SYTL4: variants seen among roughly 807,000 people sequenced by gnomAD.
SYTL4 encodes synaptotagmin like 4, also known as synaptotagmin-like protein 4.
SYTL4 carries 16 observed loss-of-function variants against 52.7 expected under a neutral mutation model. The observed-to-expected ratio is 0.30, with a 90% CI of 0.21 to 0.46. The LOEUF is 0.46. Among genes scored for constraint, SYTL4 ranks in the 20% least tolerant of loss-of-function variants. The probability of loss-of-function intolerance (pLI) is 1.00; values close to 1 mark genes in which losing one functional copy is unlikely to be tolerated. For missense variants in SYTL4, 423 were observed against 519.9 expected, an observed-to-expected ratio of 0.81 and a Z score of 1.81; for synonymous variants, 160 against 186.6, an observed-to-expected ratio of 0.86 and a Z score of 1.16.
chrX:100,724,110 T>C (rs1602938127), intron 2 of SYTL4, among the ~76,000 whole-genome samples: 1 of 78,893 alleles, frequency 1.3e-5, no homozygotes, highest in African/African-American at 5.3e-5. Context: ...GGAGCCCCTC[T>C]GCCCGGCCAG....
intron 2 of SYTL4, among the ~76,000 whole-genome samples, chrX:100,729,668 C>T (rs1450028554): frequency 9.0e-6 from 1 of 111,247 alleles, no homozygotes; most frequent in African/African-American, 3.3e-5. Context: ...CCTTAGAGAA[C>T]TTACAGCCTT....
Position 100,722,557 on chromosome X carries a change from A to G in SYTL4, c.-240+8861T>C, listed in dbSNP as rs758409930. Reference sequence around the variant, plus strand: ...CTATTGAGGATAATCCTCTACCTCAATCTGGATCCCCTCCCATCTGGCATA... The same window carrying G: ...CTATTGAGGATAATCCTCTACCTCAGTCTGGATCCCCTCCCATCTGGCATA... On this transcript the variant is annotated intron_variant, in intron 2 of 19. Transcript: ENST00000372989. 4.5e-5 allele frequency among the ~76,000 whole-genome samples: 5 copies of G among 111,348 alleles called. No individual in the cohort carries two copies. In the East Asian group the frequency reaches 1.4e-3, roughly 31 times the overall value.
At chrX:100,702,340 T>C (rs1311871109) in intron 4 of SYTL4, among the ~76,000 whole-genome samples, 2 of 112,458 alleles carry the variant, frequency 1.8e-5, no homozygotes, top group African/African-American at 6.5e-5. Context: ...GGATTGGTTA[T>C]TCAGTATATG....
At chrX:100,687,014 C>T (rs1435440070) in intron 14 of SYTL4, 53 bp downstream of exon 14, 17 of 1,158,523 alleles carry the variant, frequency 1.5e-5, no homozygotes, top group Non-Finnish European at 2.0e-5. Flanking sequence ...CGGACAGATG[C>T]CGGGGTCTGG....
Position 100,687,287 on chromosome X carries a change from C to A in SYTL4, c.1006-42G>T, listed in dbSNP as rs369272765. On this transcript the variant is annotated intron_variant, in intron 13 of 19. Transcript: ENST00000372989. ...CACGAACATCTGGGGAAGGCACACT[C>A]CCCCGCCCGCATTGCTCACATCTTC... The A allele has an allele frequency of 6.3e-5, 70 of 1,116,926 alleles. No homozygotes were observed. The Middle Eastern group carries it at 7.3e-4, about 12-fold the overall frequency. 92.0% of individuals were successfully genotyped at this position (1,116,926 alleles called of 1,213,427 possible).
At chrX:100,691,072 G>A (rs2083587743) in intron 9 of SYTL4, 36 bp downstream of exon 9, 2 of 1,052,743 alleles carry the variant, frequency 1.9e-6, no homozygotes, top group African/African-American at 1.8e-5. Flanking sequence ...CACAACTTGG[G>A]TTGAGAGGAG....
At chrX:100,678,336 G>T in intron 19 of SYTL4, 55 bp downstream of exon 19, 1 of 921,337 alleles carries the variant, frequency 1.1e-6, no homozygotes, top group East Asian at 3.1e-5. Context: ...ATGGTAATAG[G>T]AGTAAAATAG....
chrX:100,702,940 G>A (rs1267705987), intron 4 of SYTL4, among the ~76,000 whole-genome samples, 153 bp downstream of exon 4: 1 of 112,209 alleles, frequency 8.9e-6, no homozygotes, highest in Non-Finnish European at 1.9e-5. Flanking sequence ...GTATACATGG[G>A]AAATTTCACA....
chrX:100,674,734 C>T lies in SYTL4; in HGVS notation c.*1294G>A, dbSNP rs2083250502. 9.0e-6 allele frequency: 1 copy of T among 111,553 alleles called. No individual in the cohort carries two copies. The highest frequency in any genetic ancestry group is 3.8e-4 in the South Asian group (1 of 2,648). The allele number at this position is 111,553 out of a possible 1,213,427, so 9.2% of individuals were successfully genotyped here. ...CAGCTGACTCTGTTGAAAGGGATTT[C>T]CTCTCTGCTATACACTCCTTCCACA... On this transcript the variant is annotated 3_prime_UTR_variant, in exon 20 of 20. Transcript: ENST00000372989.
chrX:100,688,780 G>T (rs1353785805), intron 12 of SYTL4, among the ~76,000 whole-genome samples: 3 of 108,604 alleles, frequency 2.8e-5, no homozygotes, highest in Non-Finnish European at 5.7e-5. Flanking sequence ...GGCCAGGCTG[G>T]TCTCAAACTC....
intron 6 of SYTL4, 38 bp from the exon 7 acceptor site, chrX:100,701,367 A>C (rs1439653980): frequency 1.7e-6 from 2 of 1,178,748 alleles, no homozygotes; most frequent in Non-Finnish European, 2.3e-6. Context: ...ATGGATAAAG[A>C]ATGGTTCTTG....
chrX:100,698,890 T>C (rs1190573103), intron 8 of SYTL4, among the ~76,000 whole-genome samples: 1 of 112,135 alleles, frequency 8.9e-6, no homozygotes, highest in East Asian at 2.8e-4. Context: ...GTAAATATTA[T>C]AAACCCTGAC....
Position 100,691,212 on chromosome X carries a change from A to G in SYTL4, c.540-3T>C, listed in dbSNP as rs1246326323. ...GCTTTGGCACTTCAAATAGCACACT[A>G]GAATAAAAACCAAGAGCCAATATTG... On this transcript the variant is annotated splice_polypyrimidine_tract_variant and splice_region_variant and intron_variant, in intron 8 of 19. Coordinates refer to ENST00000372989, the MANE Select transcript of SYTL4 (RefSeq NM_001370165.1). 1 of 1,191,852 alleles carries G rather than the reference A, an allele frequency of 8.4e-7. No individual in the cohort carries two copies. The highest frequency in any genetic ancestry group is 1.1e-6 in the Non-Finnish European group (1 of 881,136).
At chrX:100,697,175 C>A (rs1245175968) in intron 8 of SYTL4, among the ~76,000 whole-genome samples, 2 of 111,858 alleles carry the variant, frequency 1.8e-5, no homozygotes, top group African/African-American at 6.5e-5. Flanking sequence ...TCCCAGGGCA[C>A]TGGTATGAGC....
chrX:100,707,695 G>A (rs1316369489), intron 2 of SYTL4, among the ~76,000 whole-genome samples: 2 of 111,543 alleles, frequency 1.8e-5, no homozygotes, highest in Non-Finnish European at 3.8e-5. Flanking sequence ...ATGGCTACTA[G>A]GGTTTAATAG....
intron 2 of SYTL4, among the ~76,000 whole-genome samples, chrX:100,717,594 C>T (rs1001150663): frequency 1.2e-4 from 13 of 112,445 alleles, no homozygotes; most frequent in African/African-American, 1.6e-4. Flanking sequence ...ATATGCTACG[C>T]GCAAAAACAC....
chrX:100,723,294 A>T (rs1287694172), intron 2 of SYTL4, among the ~76,000 whole-genome samples: 1 of 111,133 alleles, frequency 9.0e-6, no homozygotes, highest in Non-Finnish European at 1.9e-5. Flanking sequence ...TGGTTTTCGT[A>T]TTTTTTTGGT....
chrX:100,714,461 G>A (rs761366939), intron 2 of SYTL4, among the ~76,000 whole-genome samples: 7 of 110,859 alleles, frequency 6.3e-5, no homozygotes, highest in Admixed American at 4.8e-4. Context: ...GGGTTTCACC[G>A]TGTTAGCCAG....
intron 19 of SYTL4, 74 bp downstream of exon 19, chrX:100,678,317 G>A (rs2083315336): frequency 1.3e-6 from 1 of 750,104 alleles, no homozygotes; most frequent in Non-Finnish European, 2.0e-6. Flanking sequence ...TTTGTGTTGG[G>A]GGGCGGGAAT....
Sources: gnomAD v4.1 joint callset for allele counts (sites outside exome capture counted in the v4.1 genomes callset) on GRCh38, gnomAD v4.1.1 for gene constraint, MANE v1.5 for transcripts, NCBI Gene and HGNC (gene_info 2026-07-23, HGNC 2026-07-21) for gene names.